The following FXYD5 variants were observed in gnomAD, a reference collection of about 807,000 sequenced individuals.
The protein encoded by FXYD5 is FXYD domain-containing ion transport regulator 5.
In FXYD5, 21 loss-of-function variants were observed where a neutral mutation model predicts 25.7. The ratio of observed to expected loss-of-function variants is 0.82; its 90% confidence interval spans 0.58 to 1.18. FXYD5 has a LOEUF of 1.18. Ranked by LOEUF, FXYD5 falls within the 50% of genes most tolerant of loss-of-function variation. FXYD5 has a pLI of 0.00. For missense variants in FXYD5, 229 were observed against 227.7 expected (o/e 1.01, Z -0.04); for synonymous variants, 101 against 90.7 (o/e 1.11, Z -0.64).
At chr19:35,169,432 C>A in intron 8 of FXYD5, 134 bp from the exon 9 acceptor site, 1 of 677,994 alleles carries the variant, frequency 1.5e-6, no homozygotes, top group Admixed American at 2.2e-5. Context: ...TGTGTTTCTC[C>A]ATCATTTGTT....
At chr19:35,164,278 C>A in intron 6 of FXYD5, 33 bp downstream of exon 6, 1 of 1,583,934 alleles carries the variant, frequency 6.3e-7, no homozygotes, top group Non-Finnish European at 8.6e-7. Flanking sequence ...TGGAAACAGG[C>A]TATTTTCTGT....
At chr19:35,156,399 G>C (rs2065355820) in intron 2 of FXYD5, among the ~76,000 whole-genome samples, 1 of 152,190 alleles carries the variant, frequency 6.6e-6, no homozygotes, top group Admixed American at 6.5e-5. Flanking sequence ...AAACAGCACT[G>C]AATAAAACAA....
At chr19:35,159,745 T>C in intron 4 of FXYD5, 2 of 1,346,490 alleles carry the variant, frequency 1.5e-6, no homozygotes, top group Non-Finnish European at 2.0e-6. Flanking sequence ...ATTACCATTG[T>C]CCCCATTTTA....
intron 5 of FXYD5, among the ~76,000 whole-genome samples, chr19:35,163,647 A>T (rs2065425141): frequency 6.6e-6 from 1 of 151,736 alleles, no homozygotes; most frequent in East Asian, 1.9e-4. Flanking sequence ...AGGCCCAGTT[A>T]ATTTTTGTAT....
At chr19:35,162,040 T>TA (rs2065411013) in intron 5 of FXYD5, among the ~76,000 whole-genome samples, 1 of 152,226 alleles carries the variant, frequency 6.6e-6, no homozygotes, top group African/African-American at 2.4e-5. Context: ...AAAGTGCACC[T>TA]GTAGGGGTGG....
chr19:35,161,854 G>A (rs1456549640), intron 5 of FXYD5, among the ~76,000 whole-genome samples: 1 of 152,198 alleles, frequency 6.6e-6, no homozygotes, highest in Non-Finnish European at 1.5e-5. Flanking sequence ...ACTGGGTACT[G>A]AACGAGAGCA....
chr19:35,167,997 T>C (rs911453551), intron 8 of FXYD5, among the ~76,000 whole-genome samples: 2 of 151,894 alleles, frequency 1.3e-5, no homozygotes, highest in Non-Finnish European at 2.9e-5. Flanking sequence ...GGTGGGAGGA[T>C]GGCTTGAGCC....
chr19:35,166,453 C>T (rs768439280), intron 8 of FXYD5, 128 bp downstream of exon 8: 72 of 632,374 alleles, frequency 1.1e-4, no homozygotes, highest in Middle Eastern at 2.7e-4. Flanking sequence ...CATATACATA[C>T]AAACCACCAC....
intron 8 of FXYD5, among the ~76,000 whole-genome samples, chr19:35,167,964 A>G (rs2065465275): frequency 6.6e-6 from 1 of 152,082 alleles, no homozygotes; most frequent in Non-Finnish European, 1.5e-5. Context: ...CACTCCTGTA[A>G]TCCCAGTACT....
At chr19:35,167,029 C>G (rs1250755332) in intron 8 of FXYD5, among the ~76,000 whole-genome samples, 1 of 152,198 alleles carries the variant, frequency 6.6e-6, no homozygotes, top group Non-Finnish European at 1.5e-5. Flanking sequence ...CCACTCAATC[C>G]AGCAAGAATA....
At chr19:35,163,543 G>A (rs781191263) in intron 5 of FXYD5, among the ~76,000 whole-genome samples, 1 of 151,962 alleles carries the variant, frequency 6.6e-6, no homozygotes, top group Admixed American at 6.6e-5. Context: ...GTGCAGTGGC[G>A]AAATCTTGGC....
rs61309039 is a variant in FXYD5 at position 35,161,248 on chromosome 19, A to ACACACACACACACAC, written c.292+447_292+448insCACACACACACACAC. On this transcript the variant is annotated intron_variant, in intron 5 of 8. Coordinates refer to ENST00000392219, the MANE Select transcript of FXYD5 (RefSeq NM_014164.6). ...CACACACACACACACACACACACAC[A>ACACACACACACACAC]AAAGAATGATTGGCTATATAAGTTC... Among the ~76,000 whole-genome samples the ACACACACACACACAC allele has an allele frequency of 1.5e-4, 22 of 142,938 alleles. 2 individuals are homozygous for ACACACACACACACAC. Among genetic ancestry groups the ACACACACACACACAC allele is most frequent in the South Asian group, 4.6e-4 (2 of 4,344 alleles). The allele number at this position is 142,938 out of a possible 152,430, so 93.8% of individuals were successfully genotyped here. A position where few individuals can be genotyped will look rare whatever the true frequency, so the allele number is the denominator to read the frequency against.
In FXYD5 at chr19:35,164,140, C is replaced by G; in HGVS notation, c.293-16C>G. The G allele has an allele frequency of 6.2e-7, 1 of 1,614,086 alleles. No individual in the cohort carries two copies. Among genetic ancestry groups the G allele is most frequent in the South Asian group, 1.1e-5 (1 of 91,076 alleles). ...TGGCTCACTCCTGCCCTCCACTGAT[C>G]TGGCCACTCTCTCAGCTCATCCCAC... is the stretch of plus-strand genomic sequence containing the variant. On this transcript the variant is annotated splice_polypyrimidine_tract_variant and intron_variant, in intron 5 of 8. Coordinates refer to ENST00000392219, the MANE Select transcript of FXYD5 (RefSeq NM_014164.6).
chr19:35,164,344 A>G (rs2065432818), intron 6 of FXYD5, 99 bp downstream of exon 6: 1 of 1,222,784 alleles, frequency 8.2e-7, no homozygotes, highest in Admixed American at 2.5e-5. Flanking sequence ...GTTCTCAGTA[A>G]AGACGTGATG....
At chr19:35,164,041 C>T (rs566317921) in intron 5 of FXYD5, 115 bp from the exon 6 acceptor site, 2 of 1,565,450 alleles carry the variant, frequency 1.3e-6, no homozygotes, top group Non-Finnish European at 1.7e-6. Flanking sequence ...ACCCTGCACA[C>T]CAGCTGTGTA....
intron 2 of FXYD5, among the ~76,000 whole-genome samples, chr19:35,156,195 T>C (rs1333368606): frequency 6.6e-6 from 1 of 152,188 alleles, no homozygotes; most frequent in Non-Finnish European, 1.5e-5. Flanking sequence ...CGAAGGGAAG[T>C]GCCCTGTGTC....
intron 8 of FXYD5, among the ~76,000 whole-genome samples, chr19:35,168,644 C>G (rs1289002648): frequency 6.6e-6 from 1 of 152,132 alleles, no homozygotes; most frequent in Non-Finnish European, 1.5e-5. Context: ...TCTGGAGCAG[C>G]CACAGATGAG....
intron 1 of FXYD5, chr19:35,155,031 A>G: frequency 5.9e-6 from 1 of 170,254 alleles, no homozygotes; most frequent in Non-Finnish European, 1.3e-5. Context: ...AGTGCCTCTT[A>G]GGTCTCTCCA....
chr19:35,159,434 T>C (rs1600503125), intron 4 of FXYD5: 6 of 1,514,018 alleles, frequency 4.0e-6, no homozygotes, highest in Non-Finnish European at 5.3e-6. Context: ...TGTTTCTTCG[T>C]GCAGTCGTAT....
Sources: gnomAD v4.1 joint callset for allele counts (sites outside exome capture counted in the v4.1 genomes callset) on GRCh38, gnomAD v4.1.1 for gene constraint, MANE v1.5 for transcripts, NCBI Gene and HGNC (gene_info 2026-07-23, HGNC 2026-07-21) for gene names.